PLEKHA5: variants seen among roughly 807,000 people sequenced by gnomAD.
The protein encoded by PLEKHA5 is pleckstrin homology domain containing A5.
PLEKHA5 carries 55 observed loss-of-function variants against 181.9 expected under a neutral mutation model. That is an observed-to-expected ratio of 0.30 (90% CI 0.24 to 0.38). The LOEUF (loss-of-function observed/expected upper bound fraction) is 0.38, where lower values mean the gene tolerates loss of function less well. Among genes scored for constraint, PLEKHA5 ranks in the 10% least tolerant of loss-of-function variants. PLEKHA5 has a pLI of 1.00. For missense variants in PLEKHA5, 1,432 were observed against 1,549.5 expected (o/e 0.92, Z 1.27); for synonymous variants, 535 against 529.4 (o/e 1.01, Z -0.15).
intron 15 of PLEKHA5, among the ~76,000 whole-genome samples, chr12:19,296,248 A>G (rs539080641): frequency 1.3e-5 from 2 of 150,178 alleles, no homozygotes; most frequent in East Asian, 4.0e-4. Context: ...TGAAAAAAAA[A>G]AAAAATTACT....
intron 16 of PLEKHA5, among the ~76,000 whole-genome samples, chr12:19,316,217 G>A (rs10743317): frequency 0.97 from 147,044 of 152,260 alleles, 71,205 homozygotes; most frequent in Middle Eastern, 1. Context: ...GGATTTTGTT[G>A]TAATAGGTTA....
chr12:19,304,495 C>T (rs1055776463), intron 15 of PLEKHA5, among the ~76,000 whole-genome samples: 2 of 152,148 alleles, frequency 1.3e-5, no homozygotes, highest in Non-Finnish European at 2.9e-5. Context: ...GATAGTTGTG[C>T]AATTACCTTG....
chr12:19,175,443 A>G (rs187872288), intron 3 of PLEKHA5, among the ~76,000 whole-genome samples: 67 of 152,336 alleles, frequency 4.4e-4, no homozygotes, highest in African/African-American at 1.6e-3. Context: ...ATAGATTTGT[A>G]TGTGCTAACA....
At chr12:19,167,727 A>G (rs1352563118) in intron 3 of PLEKHA5, among the ~76,000 whole-genome samples, 2 of 152,102 alleles carry the variant, frequency 1.3e-5, no homozygotes, top group African/African-American at 2.4e-5. Context: ...TGGGGCAGGT[A>G]GTCATTAAAC....
intron 30 of PLEKHA5, among the ~76,000 whole-genome samples, chr12:19,367,265 T>C (rs1367261824): frequency 8.9e-6 from 1 of 112,380 alleles, no homozygotes; most frequent in African/African-American, 3.2e-5. Context: ...CTTCTTTTTT[T>C]TTTTTTTTTT....
chr12:19,250,390 G>T (rs376542282), intron 3 of PLEKHA5, among the ~76,000 whole-genome samples: 2 of 152,272 alleles, frequency 1.3e-5, no homozygotes, highest in South Asian at 2.1e-4. Flanking sequence ...TTTGAGACCA[G>T]CCTGACCAAC....
At chr12:19,311,468 T>C (rs796605406) in intron 15 of PLEKHA5, among the ~76,000 whole-genome samples, 4 of 148,696 alleles carry the variant, frequency 2.7e-5, no homozygotes, top group African/African-American at 9.9e-5. Flanking sequence ...AAAAAAAAAG[T>C]AAAATTGAAC....
intron 26 of PLEKHA5, among the ~76,000 whole-genome samples, chr12:19,356,079 T>C (rs2452181): frequency 0.91 from 138,931 of 151,852 alleles, 64,369 homozygotes; most frequent in Non-Finnish European, 1. Flanking sequence ...GCATAAGAAT[T>C]ACTTGAACCC....
At chr12:19,205,797 A>G (rs1425790315) in intron 3 of PLEKHA5, among the ~76,000 whole-genome samples, 1 of 152,090 alleles carries the variant, frequency 6.6e-6, no homozygotes, top group African/African-American at 2.4e-5. Context: ...TTACATCTTA[A>G]TGAAATTACA....
chr12:19,327,644 C>T (rs67483798), intron 20 of PLEKHA5, among the ~76,000 whole-genome samples: 488 of 41,366 alleles, frequency 0.012, 32 homozygotes, highest in Non-Finnish European at 0.024. Context: ...TTTCTTTTTT[C>T]TTTTTTTTTT....
chr12:19,245,583 C>T (rs919075428), intron 3 of PLEKHA5, among the ~76,000 whole-genome samples: 1 of 151,788 alleles, frequency 6.6e-6, no homozygotes, highest in African/African-American at 2.4e-5. Context: ...CAAAAATTAG[C>T]CGGGCGTGGT....
chr12:19,214,798 A>ACTTTCAATTCATTTCTT (rs2057628590), intron 3 of PLEKHA5, among the ~76,000 whole-genome samples: 1 of 152,120 alleles, frequency 6.6e-6, no homozygotes, highest in African/African-American at 2.4e-5. Context: ...CTGAAAGTGA[A>ACTTTCAATTCATTTCTT]AACCATGAAT....
chr12:19,216,312 CATCTT>C (rs1162924142), intron 3 of PLEKHA5, among the ~76,000 whole-genome samples: 1 of 152,122 alleles, frequency 6.6e-6, no homozygotes, highest in Non-Finnish European at 1.5e-5. Flanking sequence ...ACATTGAACT[CATCTT>C]AATATAGGTG....
At chr12:19,310,039 C>T (rs1036266350) in intron 15 of PLEKHA5, among the ~76,000 whole-genome samples, 3 of 152,206 alleles carry the variant, frequency 2.0e-5, no homozygotes, top group Non-Finnish European at 4.4e-5. Flanking sequence ...ATTTTCATTC[C>T]TATTATTATG....
At chr12:19,201,431 G>C (rs960957407) in intron 3 of PLEKHA5, 1 of 152,024 alleles carries the variant, frequency 6.6e-6, no homozygotes, top group African/African-American at 2.4e-5. Context: ...GAGATTGGCA[G>C]TTTCTGGAAA....
intron 3 of PLEKHA5, chr12:19,207,393 C>G (rs889786749): frequency 1.3e-5 from 2 of 151,894 alleles, no homozygotes; most frequent in African/African-American, 4.8e-5. Flanking sequence ...GAAAAATTAC[C>G]AATGGCAAGG....
chr12:19,208,229 G>GAA (rs2056082970), intron 3 of PLEKHA5, among the ~76,000 whole-genome samples: 1 of 148,292 alleles, frequency 6.7e-6, no homozygotes. Context: ...CCAACATGGT[G>GAA]AAACCCTGTC....
intron 15 of PLEKHA5, among the ~76,000 whole-genome samples, chr12:19,297,454 C>T (rs138495057): frequency 2.0e-5 from 3 of 150,284 alleles, no homozygotes; most frequent in African/African-American, 2.4e-5. Context: ...AACCCCGTCT[C>T]TACTAAAAAT....
chr12:19,240,230 C>CACATTATCTAAACA lies in PLEKHA5; in HGVS notation c.228-13709_228-13708insCATTATCTAAACAA, dbSNP rs1437582603. ...TACTGGAAAGAATGTGTTTTATCTA[C>CACATTATCTAAACA]AATAAAATAATTGGATCTCTTTAAA... On this transcript the variant is annotated intron_variant, in intron 3 of 31. Transcript: ENST00000429027. Among the ~76,000 whole-genome samples the CACATTATCTAAACA allele has an allele frequency of 1.9e-3, 293 of 152,218 alleles. 1 individual carries two copies. Among genetic ancestry groups the CACATTATCTAAACA allele is most frequent in the African/African-American group, 6.7e-3 (279 of 41,556 alleles).
Sources: gnomAD v4.1 joint callset for allele counts (sites outside exome capture counted in the v4.1 genomes callset) on GRCh38, gnomAD v4.1.1 for gene constraint, MANE v1.5 for transcripts, NCBI Gene and HGNC (gene_info 2026-07-23, HGNC 2026-07-21) for gene names.